The following MDGA2 variants were observed in gnomAD, a reference collection of about 807,000 sequenced individuals.
MDGA2 encodes the protein MAM domain-containing glycosylphosphatidylinositol anchor protein 2.
In MDGA2, 40 loss-of-function variants were observed where a neutral mutation model predicts 117.8. The ratio of observed to expected loss-of-function variants is 0.34; its 90% CI spans 0.26 to 0.44. The LOEUF is 0.44. Ranked by LOEUF, MDGA2 falls within the 20% of genes least tolerant of loss-of-function variation. MDGA2 has a pLI of 1.00. For missense variants in MDGA2, 1,123 were observed against 1,250.6 expected (o/e 0.90, Z 1.54); for synonymous variants, 452 against 439.0 (o/e 1.03, Z -0.37).
At chr14:47,188,905 T>G (rs573873489) in intron 3 of MDGA2, among the ~76,000 whole-genome samples, 1 of 152,264 alleles carries the variant, frequency 6.6e-6, no homozygotes, top group Non-Finnish European at 1.5e-5. Context: ...TTGTGAACAC[T>G]TATTCCCAAT....
chr14:46,977,345 A>G lies in MDGA2; in HGVS notation c.1820-19702T>C, dbSNP rs180835637. ...GAAATAAGAAGAGGTTAAATTTCTA[A>G]TATTTTTTTCCTGTCACAAGGACTG... On this transcript the variant is annotated intron_variant, in intron 8 of 16. Transcript: ENST00000399232. Among the ~76,000 whole-genome samples the G allele has an allele frequency of 1.8e-3, 267 of 151,986 alleles. 2 individuals carry two copies. The highest frequency in any genetic ancestry group is 0.011 in the South Asian group (52 of 4,828).
At chr14:46,861,543 T>A (rs1261305409) in intron 14 of MDGA2, among the ~76,000 whole-genome samples, 1 of 151,944 alleles carries the variant, frequency 6.6e-6, no homozygotes, top group African/African-American at 2.4e-5. Flanking sequence ...AGAGGTCTTA[T>A]TAGGTTTGAG....
chr14:47,563,241 G>A (rs368313313), intron 1 of MDGA2, among the ~76,000 whole-genome samples: 2 of 152,112 alleles, frequency 1.3e-5, no homozygotes, highest in African/African-American at 4.8e-5. Flanking sequence ...TTCTTTAGAT[G>A]TCTATTAGGT....
At chr14:47,105,012 G>C (rs555720540) in intron 5 of MDGA2, among the ~76,000 whole-genome samples, 1 of 152,126 alleles carries the variant, frequency 6.6e-6, no homozygotes, top group Admixed American at 6.5e-5. Context: ...CACCGGTCAC[G>C]GACTTGGAAG....
chr14:47,503,432 T>TC (rs1894442193), intron 1 of MDGA2, among the ~76,000 whole-genome samples: 1 of 150,744 alleles, frequency 6.6e-6, no homozygotes, highest in Non-Finnish European at 1.5e-5. Context: ...TTTTTTTTTT[T>TC]TTTTTTTGGA....
chr14:47,002,666 T>C (rs1887573953), intron 8 of MDGA2, among the ~76,000 whole-genome samples: 1 of 151,714 alleles, frequency 6.6e-6, no homozygotes, highest in Non-Finnish European at 1.5e-5. Context: ...GAGGTGGAGG[T>C]TGCAGTGAGT....
intron 1 of MDGA2, among the ~76,000 whole-genome samples, chr14:47,469,020 T>C (rs1271855713): frequency 6.6e-6 from 1 of 152,164 alleles, no homozygotes; most frequent in East Asian, 1.9e-4. Context: ...ATGCATGATA[T>C]ACTCCAAAGA....
Position 46,884,363 on chromosome 14 carries a change from G to T in MDGA2, c.2239-2142C>A, listed in dbSNP as rs35664738. Reference sequence around the variant, plus strand: ...ATGCCATTTTCCCTTGGATTTTTACGTAGTACTTTCTCTATGTACACACAC... The same window carrying T: ...ATGCCATTTTCCCTTGGATTTTTACTTAGTACTTTCTCTATGTACACACAC... On this transcript the variant is annotated intron_variant, in intron 10 of 16. Coordinates refer to ENST00000399232, the MANE Select transcript of MDGA2 (RefSeq NM_001113498.3). This position sits in a 1 kb window ranked among gnomAD's most constrained non-coding sequence, Gnocchi z 4.1. Among the ~76,000 whole-genome samples the T allele has an allele frequency of 0.18, 27,028 of 152,010 alleles. 3,132 individuals carry two copies. Among genetic ancestry groups the T allele is most frequent in the Non-Finnish European group, 0.25 (17,092 of 67,952 alleles).
At chr14:47,139,695 T>C (rs1216810760) in intron 4 of MDGA2, among the ~76,000 whole-genome samples, 10 of 150,810 alleles carry the variant, frequency 6.6e-5, no homozygotes, top group African/African-American at 2.4e-4. Flanking sequence ...CATGGCAGTA[T>C]GGGAAACAGT....
chr14:47,103,766 T>G (rs141140220), intron 5 of MDGA2, among the ~76,000 whole-genome samples: 145 of 152,344 alleles, frequency 9.5e-4, no homozygotes, highest in Non-Finnish European at 1.9e-3. Flanking sequence ...TAGATGGGCT[T>G]TGTTTGCCTG....
At chr14:47,667,105 T>G (rs570522018) in intron 1 of MDGA2, among the ~76,000 whole-genome samples, 17 of 152,304 alleles carry the variant, frequency 1.1e-4, no homozygotes, top group Non-Finnish European at 1.9e-4. Context: ...AACCCACCAA[T>G]TCCGGACACA....
At chr14:47,579,852 T>G (rs758993941) in intron 1 of MDGA2, among the ~76,000 whole-genome samples, 6 of 152,026 alleles carry the variant, frequency 3.9e-5, no homozygotes, top group Admixed American at 1.3e-4. Flanking sequence ...ATTTTCCAGG[T>G]GAAAACATTT....
intron 8 of MDGA2, among the ~76,000 whole-genome samples, chr14:47,000,762 C>T (rs1011977803): frequency 6.6e-6 from 1 of 151,708 alleles, no homozygotes; most frequent in Non-Finnish European, 1.5e-5. Flanking sequence ...GGTGTTTTAG[C>T]ATGCAAAGGA....
chr14:47,084,183 T>G (rs940462837), intron 6 of MDGA2, among the ~76,000 whole-genome samples: 6 of 152,118 alleles, frequency 3.9e-5, no homozygotes, highest in African/African-American at 1.4e-4. Flanking sequence ...GAACATATTT[T>G]TTAAACCACA....
chr14:46,990,942 CATTG>C (rs1358253002), intron 8 of MDGA2, among the ~76,000 whole-genome samples: 2 of 151,264 alleles, frequency 1.3e-5, no homozygotes, highest in African/African-American at 2.4e-5. Context: ...AGCAAGAGAT[CATTG>C]ATTGTTTCTT....
intron 5 of MDGA2, among the ~76,000 whole-genome samples, chr14:47,104,733 C>T (rs1880548517): frequency 6.6e-6 from 1 of 152,290 alleles, no homozygotes; most frequent in African/African-American, 2.4e-5. Flanking sequence ...AATCCCCTGT[C>T]CTCCTGCTCT....
At position 47,110,941 on chromosome 14, in the gene MDGA2, G is replaced by A. The variant is rs541003974; in HGVS notation, c.926-13818C>T. Among the ~76,000 whole-genome samples, 148 of 152,172 alleles carry A rather than the reference G, an allele frequency of 9.7e-4. 1 individual carries two copies. Among genetic ancestry groups the A allele is most frequent in the Non-Finnish European group, 1.9e-3 (126 of 67,994 alleles). ...ACTCATTGTAAATTTAGAGATGTAC[G>A]TATGTTCTATTTTAAGAAAAAATCC... On this transcript the variant is annotated intron_variant, in intron 5 of 16. Coordinates refer to ENST00000399232, the MANE Select transcript of MDGA2 (RefSeq NM_001113498.3).
chr14:46,980,947 G>A (rs1165884862), intron 8 of MDGA2, among the ~76,000 whole-genome samples: 1 of 152,082 alleles, frequency 6.6e-6, no homozygotes, highest in Non-Finnish European at 1.5e-5. Context: ...CAGTAGTCTG[G>A]AACTGAACTC....
rs2139648705 is a variant in MDGA2, at chr14:47,253,502, A to G, written c.421-35307T>C. Reference sequence around the variant, plus strand: ...CATTAAAACTTAAAGTTCCAAAACAATCTCCTTTGTCTCCATGTCTCACAT... The same window carrying G: ...CATTAAAACTTAAAGTTCCAAAACAGTCTCCTTTGTCTCCATGTCTCACAT... On this transcript the variant is annotated intron_variant, in intron 2 of 16. Transcript: ENST00000399232. Among the ~76,000 whole-genome samples, 2 of 152,360 alleles carry G rather than the reference A, an allele frequency of 1.3e-5. 1 individual carries two copies. The highest frequency in any genetic ancestry group is 6.8e-3 in the Middle Eastern group (2 of 294).
Sources: allele counts gnomAD v4.1 joint callset (sites outside exome capture counted in the v4.1 genomes callset), GRCh38; gene constraint gnomAD v4.1.1; non-coding constraint Gnocchi (gnomAD v3.1); transcripts MANE v1.5; gene names NCBI Gene and HGNC (gene_info 2026-07-23, HGNC 2026-07-21).